The following ROCK2 variants were observed in gnomAD, a reference collection of about 807,000 sequenced individuals.
ROCK2 encodes Rho associated coiled-coil containing protein kinase 2, also known as rho-associated protein kinase 2.
A neutral mutation model predicts 195.1 loss-of-function variants in ROCK2; 61 were observed. The observed-to-expected ratio is 0.31, with a 90% confidence interval of 0.25 to 0.39. The LOEUF (loss-of-function observed/expected upper bound fraction) is 0.39, where lower values mean the gene tolerates loss of function less well. ROCK2 is among the 10% of genes least tolerant of loss of function. ROCK2 has a pLI of 1.00. For missense variants in ROCK2, 1,109 were observed against 1,637.4 expected, an observed-to-expected ratio of 0.68 and a Z score of 5.57; for synonymous variants, 504 against 545.5, an observed-to-expected ratio of 0.92 and a Z score of 1.06.
At chr2:11,199,641 A>C (rs554063064) in intron 23 of ROCK2, among the ~76,000 whole-genome samples, 7 of 152,098 alleles carry the variant, frequency 4.6e-5, no homozygotes, top group Non-Finnish European at 8.8e-5. Flanking sequence ...GCGATTTTCT[A>C]TCTTACTGAA....
chr2:11,308,055 C>G, intron 1 of ROCK2: 2 of 1,600,788 alleles, frequency 1.2e-6, no homozygotes, highest in Non-Finnish European at 1.7e-6. Flanking sequence ...TCTGCTGCAG[C>G]GCTGGGGCGC....
intron 10 of ROCK2, 26 bp from the exon 11 acceptor site, chr2:11,218,492 A>G: frequency 6.9e-7 from 1 of 1,449,076 alleles, no homozygotes; most frequent in Non-Finnish European, 9.5e-7. Flanking sequence ...CAGAAAACAC[A>G]TTAAAATACT....
At chr2:11,188,097 T>C (rs906528016) in intron 32 of ROCK2, among the ~76,000 whole-genome samples, 1 of 150,078 alleles carries the variant, frequency 6.7e-6, no homozygotes, top group African/African-American at 2.5e-5. Context: ...GCCAAACTGG[T>C]ATATAATTTT....
intron 1 of ROCK2, chr2:11,308,077 G>A (rs1447784047): frequency 5.0e-6 from 8 of 1,608,590 alleles, no homozygotes; most frequent in Non-Finnish European, 6.8e-6. Flanking sequence ...AGTTTTAGGA[G>A]AGGCGCCGAC....
chr2:11,197,121 TA>T lies in ROCK2; in HGVS notation c.3448+58del, dbSNP rs1232521081. 1 of 1,290,680 alleles carries T rather than the reference TA, an allele frequency of 7.7e-7. No homozygotes were observed. Among genetic ancestry groups the T allele is most frequent in the African/African-American group, 1.5e-5 (1 of 65,558 alleles). The allele number at this position is 1,290,680 out of a possible 1,614,324, so 80.0% of individuals were successfully genotyped here. A position where few individuals can be genotyped will look rare whatever the true frequency, so the allele number is the denominator to read the frequency against. On this transcript the variant is annotated intron_variant, in intron 27 of 32. Transcript: ENST00000315872. This position sits in a 1 kb window ranked among gnomAD's most constrained non-coding sequence, Gnocchi z 4.9. The stretch of plus-strand genomic sequence containing the variant: ...CTTCAGAGCAGTCAGTCGCAAGACT[TA>T]AAACAATCAACTGATTTATATTTAA...
chr2:11,191,165 G>A (rs1043153568), intron 32 of ROCK2, among the ~76,000 whole-genome samples: 3 of 152,168 alleles, frequency 2.0e-5, no homozygotes, highest in African/African-American at 7.2e-5. Context: ...CCTGATCAAA[G>A]GATATGCTTT....
Position 11,183,347 on chromosome 2 carries a change from T to C in ROCK2, c.*90A>G. 9.7e-7 allele frequency: 1 copy of C among 1,028,534 alleles called. No individual in the cohort carries two copies. The highest frequency in any genetic ancestry group is 1.5e-6 in the Non-Finnish European group (1 of 680,446). 63.7% of individuals were successfully genotyped at this position (1,028,534 alleles called of 1,614,324 possible). A position where few individuals can be genotyped will look rare whatever the true frequency, so the allele number is the denominator to read the frequency against. On this transcript the variant is annotated 3_prime_UTR_variant, in exon 33 of 33. Coordinates refer to ENST00000315872, the MANE Select transcript of ROCK2 (RefSeq NM_004850.5). Reference sequence around the variant, plus strand: ...TCAGTCTCTCAGGAAAATATAGCTTTTTAATAAATTTTGGGCCATCATATT... The same window carrying C: ...TCAGTCTCTCAGGAAAATATAGCTTCTTAATAAATTTTGGGCCATCATATT...
chr2:11,227,792 A>G (rs1014415245), intron 5 of ROCK2, among the ~76,000 whole-genome samples: 1 of 152,208 alleles, frequency 6.6e-6, no homozygotes, highest in African/African-American at 2.4e-5. Flanking sequence ...GGAAGCTTTC[A>G]TATTTCCAGA....
intron 5 of ROCK2, among the ~76,000 whole-genome samples, chr2:11,228,205 C>T (rs1664879707): frequency 6.6e-6 from 1 of 152,108 alleles, no homozygotes; most frequent in Admixed American, 6.6e-5. Flanking sequence ...AGATTAAGTG[C>T]CCTTTATTTC....
At chr2:11,331,468 A>G (rs1668762577) in intron 1 of ROCK2, among the ~76,000 whole-genome samples, 1 of 152,228 alleles carries the variant, frequency 6.6e-6, no homozygotes, top group African/African-American at 2.4e-5. Context: ...TTAACAGAGA[A>G]GTATAAAGAT....
intron 3 of ROCK2, among the ~76,000 whole-genome samples, chr2:11,281,223 A>G (rs1256928719): frequency 6.6e-6 from 1 of 151,522 alleles, no homozygotes; most frequent in Non-Finnish European, 1.5e-5. Context: ...AAAAAAAAAA[A>G]AAAAAAAACC....
chr2:11,295,625 T>C (rs188739829), intron 1 of ROCK2, among the ~76,000 whole-genome samples: 1 of 152,294 alleles, frequency 6.6e-6, no homozygotes, highest in African/African-American at 2.4e-5. Context: ...TCTGTTTATA[T>C]AGTGCTCCAT....
intron 4 of ROCK2, among the ~76,000 whole-genome samples, chr2:11,237,948 G>A (rs1349290607): frequency 1.3e-5 from 2 of 152,068 alleles, no homozygotes; most frequent in South Asian, 4.1e-4. Flanking sequence ...GAATGGTGGC[G>A]CATGCCGTAA....
intron 1 of ROCK2, among the ~76,000 whole-genome samples, chr2:11,336,982 C>A (rs1014815162): frequency 2.0e-5 from 3 of 152,146 alleles, no homozygotes; most frequent in African/African-American, 7.2e-5. Flanking sequence ...GCGGCTTGTG[C>A]CTGTAATCCC....
intron 3 of ROCK2, among the ~76,000 whole-genome samples, chr2:11,268,561 T>C (rs1666510309): frequency 6.6e-6 from 1 of 151,826 alleles, no homozygotes; most frequent in Admixed American, 6.6e-5. Flanking sequence ...TGTGTGTCTC[T>C]GCATTCACAG....
Position 11,232,956 on chromosome 2 carries a change from G to A in ROCK2, c.723+2746C>T, listed in dbSNP as rs539876321. On this transcript the variant is annotated intron_variant, in intron 5 of 32. Coordinates refer to ENST00000315872, the MANE Select transcript of ROCK2 (RefSeq NM_004850.5). ...TGGTCAGGCACAGTGCCTCACACCT[G>A]TAATCCCAGCATTTTAGGAGGCTGA... Among the ~76,000 whole-genome samples, 172 of 152,320 alleles carry A rather than the reference G, an allele frequency of 1.1e-3. 1 individual carries two copies. The highest frequency in any genetic ancestry group is 1.6e-3 in the Non-Finnish European group (111 of 68,032).
chr2:11,345,361 G>T (rs945018802), upstream of ROCK2, among the ~76,000 whole-genome samples: 12 of 152,330 alleles, frequency 7.9e-5, no homozygotes, highest in Middle Eastern at 0.01. Flanking sequence ...GCGGAAGAGG[G>T]GTGGTTATCG....
At chr2:11,302,848 C>T (rs1286337741) in intron 1 of ROCK2, among the ~76,000 whole-genome samples, 2 of 152,050 alleles carry the variant, frequency 1.3e-5, no homozygotes, top group Non-Finnish European at 2.9e-5. Context: ...TTCCCTCCAC[C>T]TTTTAAAATG....
chr2:11,204,196 A>G (rs1198123604), intron 20 of ROCK2, among the ~76,000 whole-genome samples: 1 of 152,078 alleles, frequency 6.6e-6, no homozygotes, highest in Non-Finnish European at 1.5e-5. Flanking sequence ...AGTTTTAGAT[A>G]TTATTTGCCC....
Sources: allele counts gnomAD v4.1 joint callset (sites outside exome capture counted in the v4.1 genomes callset), GRCh38; gene constraint gnomAD v4.1.1; non-coding constraint Gnocchi (gnomAD v3.1); transcripts MANE v1.5; gene names NCBI Gene and HGNC (gene_info 2026-07-23, HGNC 2026-07-21).